Variants in USP34 observed in about 807,000 individuals in gnomAD.
The protein encoded by USP34 is ubiquitin carboxyl-terminal hydrolase 34.
In USP34, 70 loss-of-function variants were observed where a neutral mutation model predicts 460.3. That is an observed-to-expected ratio of 0.15 (90% confidence interval 0.13 to 0.19). The LOEUF is 0.19. Among genes scored for constraint, USP34 ranks in the 10% least tolerant of loss-of-function variants. The probability of loss-of-function intolerance (pLI) is 1.00; values close to 1 mark genes in which losing one functional copy is unlikely to be tolerated. For missense variants in USP34, 3,985 were observed against 4,236.2 expected (o/e 0.94, Z 1.65); for synonymous variants, 1,647 against 1,405.3 (o/e 1.17, Z -3.85).
intron 36 of USP34, 49 bp downstream of exon 36, chr2:61,283,360 T>C (rs1474924718): frequency 3.2e-6 from 5 of 1,575,946 alleles, no homozygotes; most frequent in African/African-American, 2.8e-5. Flanking sequence ...TATATCAATA[T>C]ATTATTCAAG....
At position 61,194,197 on chromosome 2, in the gene USP34, C is replaced by T. The variant is rs1686726102; in HGVS notation, c.9509-1217G>A. Reference sequence around the variant, plus strand: ...GCCTAGGATCCCTTCCACAGGTAAGCCAATTTATTTTCCTGTCAAGATGAG... The same window carrying T: ...GCCTAGGATCCCTTCCACAGGTAAGTCAATTTATTTTCCTGTCAAGATGAG... On this transcript the variant is annotated intron_variant, in intron 75 of 79. Transcript: ENST00000398571. 4 of 985,196 alleles carry T rather than the reference C, an allele frequency of 4.1e-6. No homozygotes were observed. In the African/African-American group the frequency reaches 7.0e-5, roughly 17 times the overall value. 61.0% of individuals were successfully genotyped at this position (985,196 alleles called of 1,614,324 possible).
At chr2:61,378,973 T>G (rs17008852) in intron 7 of USP34, among the ~76,000 whole-genome samples, 1,763 of 148,466 alleles carry the variant, frequency 0.012, 49 homozygotes, top group African/African-American at 0.041. Context: ...GTATTCTTTA[T>G]TACACTAAGT....
chr2:61,323,276 C>A (rs905519968), intron 21 of USP34, among the ~76,000 whole-genome samples: 1 of 152,122 alleles, frequency 6.6e-6, no homozygotes, highest in Non-Finnish European at 1.5e-5. Flanking sequence ...CTTTGGGAGG[C>A]CGAGGCGGGC....
chr2:61,245,231 T>C lies in USP34; in HGVS notation c.6606A>G (p.Glu2202=). The part of the protein sequence containing the change: ...KPFDSAQLAS[E]CFGGEMTTKT... ...TTACCGTCATCTCTCCACCAAAACA[T>C]TCAGATGCAAGTTGAGCAGAATCAA... Residue 2202 remains glutamate (E), a synonymous_variant, in exon 51 of 80, where the codon GAA becomes GAG. Coordinates refer to ENST00000398571, the MANE Select transcript of USP34 (RefSeq NM_014709.4). The C allele has an allele frequency of 6.2e-7, 1 of 1,610,536 alleles. No homozygotes were observed.
chr2:61,265,614 T>C, intron 42 of USP34, 57 bp from the exon 43 acceptor site: 2 of 1,528,108 alleles, frequency 1.3e-6, no homozygotes, highest in Non-Finnish European at 1.8e-6. Context: ...AAACACAATG[T>C]ATTTTGCTTA....
At chr2:61,288,235 C>A (rs920382670) in intron 34 of USP34, among the ~76,000 whole-genome samples, 1 of 152,192 alleles carries the variant, frequency 6.6e-6, no homozygotes, top group African/African-American at 2.4e-5. Flanking sequence ...TTCCTGATAA[C>A]CCAACCACTT....
At chr2:61,332,227 C>A (rs1178144681) in intron 19 of USP34, among the ~76,000 whole-genome samples, 1 of 151,810 alleles carries the variant, frequency 6.6e-6, no homozygotes, top group African/African-American at 2.4e-5. Context: ...AAACTATGGG[C>A]CATTAGAACG....
In USP34 at chr2:61,241,751, GA is replaced by G. The variant is rs1210786290; in HGVS notation, c.6681+14del. ...GAAAAAACAATATAAAATTATACATGAAAAAAATGGTTACCTTTTCAAAAGA... is the reference window on the plus strand; with the variant it reads ...GAAAAAACAATATAAAATTATACATGAAAAAATGGTTACCTTTTCAAAAGA... On this transcript the variant is annotated intron_variant, in intron 52 of 79. Coordinates refer to ENST00000398571, the MANE Select transcript of USP34 (RefSeq NM_014709.4). The G allele has an allele frequency of 4.7e-6, 7 of 1,496,656 alleles. No homozygotes were observed. Among genetic ancestry groups the G allele is most frequent in the Admixed American group, 2.2e-5 (1 of 46,266 alleles). 92.7% of individuals were successfully genotyped at this position (1,496,656 alleles called of 1,614,324 possible).
chr2:61,454,978 T>G (rs554592145), intron 1 of USP34, among the ~76,000 whole-genome samples: 1 of 150,838 alleles, frequency 6.6e-6, no homozygotes, highest in Non-Finnish European at 1.5e-5. Flanking sequence ...ACCTCCCAAG[T>G]TGAAGCGATT....
chr2:61,301,601 G>A, intron 27 of USP34, 147 bp from the exon 28 acceptor site: 2 of 702,686 alleles, frequency 2.8e-6, no homozygotes, highest in Non-Finnish European at 4.6e-6. Flanking sequence ...GTAGATTGAG[G>A]ATAGTTATTT....
intron 10 of USP34, among the ~76,000 whole-genome samples, chr2:61,365,936 G>A (rs1692422917): frequency 1.3e-5 from 1 of 78,276 alleles, no homozygotes; most frequent in Non-Finnish European, 3.0e-5. Context: ...TAAAATGACT[G>A]GGAACACCTA....
chr2:61,243,322 T>C (rs2103862426), intron 51 of USP34, among the ~76,000 whole-genome samples: 1 of 152,078 alleles, frequency 6.6e-6, no homozygotes, highest in South Asian at 2.1e-4. Context: ...AATTTTTACA[T>C]TTTTAGTGGA....
chr2:61,469,965 T>C (rs953512692), intron 1 of USP34, among the ~76,000 whole-genome samples: 8 of 152,176 alleles, frequency 5.3e-5, no homozygotes, highest in African/African-American at 1.9e-4. Flanking sequence ...GCCATAACTA[T>C]CCCGGGATGG....
intron 53 of USP34, among the ~76,000 whole-genome samples, chr2:61,239,236 C>A (rs1291054040): frequency 6.6e-6 from 1 of 150,688 alleles, no homozygotes. Context: ...AGGAGTCACA[C>A]ATCTTTCACC....
chr2:61,283,604 A>T (rs76817093), intron 35 of USP34, among the ~76,000 whole-genome samples, 155 bp from the exon 36 acceptor site: 4,050 of 151,148 alleles, frequency 0.027, 192 homozygotes, highest in African/African-American at 0.095. Flanking sequence ...AGTGAGAGAG[A>T]GTGTGAGTGT....
At chr2:61,273,104 T>C (rs1689264738) in intron 41 of USP34, among the ~76,000 whole-genome samples, 1 of 152,146 alleles carries the variant, frequency 6.6e-6, no homozygotes, top group South Asian at 2.1e-4. Flanking sequence ...AATGATTCCA[T>C]ATCAACATAC....
chr2:61,438,275 G>A (rs1573041800), intron 1 of USP34, among the ~76,000 whole-genome samples: 1 of 151,958 alleles, frequency 6.6e-6, no homozygotes. Flanking sequence ...CAATAGAATC[G>A]GAAAAAGCAT....
intron 29 of USP34, among the ~76,000 whole-genome samples, chr2:61,298,364 CA>C (rs11417017): frequency 0.03 from 1,432 of 48,006 alleles, 20 homozygotes; most frequent in African/African-American, 0.092. Flanking sequence ...TACAAAAATA[CA>C]AAAAAAAAAA....
At chr2:61,397,181 A>G (rs1693555147) in intron 3 of USP34, among the ~76,000 whole-genome samples, 1 of 152,100 alleles carries the variant, frequency 6.6e-6, no homozygotes, top group Non-Finnish European at 1.5e-5. Flanking sequence ...GGTGGCTCAC[A>G]TATGTAATCC....
Sources: gnomAD v4.1 joint callset for allele counts (sites outside exome capture counted in the v4.1 genomes callset) on GRCh38, gnomAD v4.1.1 for gene constraint, MANE v1.5 for transcripts, NCBI Gene and HGNC (gene_info 2026-07-23, HGNC 2026-07-21) for gene names.